Variants in DYNC1H1 observed in about 807,000 individuals in gnomAD.
The protein encoded by DYNC1H1 is dynein cytoplasmic 1 heavy chain 1, also known as cytoplasmic dynein 1 heavy chain 1.
In DYNC1H1, 51 loss-of-function variants were observed where a neutral mutation model predicts 527.1. The observed-to-expected ratio is 0.10, with a 90% confidence interval of 0.08 to 0.12. The LOEUF (loss-of-function observed/expected upper bound fraction) is 0.12. DYNC1H1 is among the 10% of genes least tolerant of loss of function. DYNC1H1 has a pLI of 1.00. For missense variants in DYNC1H1, 2,771 were observed against 5,971.8 expected, an observed-to-expected ratio of 0.46 and a Z score of 17.66; for synonymous variants, 2,189 against 2,278.8, an observed-to-expected ratio of 0.96 and a Z score of 1.12.
At chr14:102,024,677 C>CT (rs10707594) in intron 43 of DYNC1H1, among the ~76,000 whole-genome samples, 1 of 135,494 alleles carries the variant, frequency 7.4e-6, no homozygotes. Context: ...TGTGGCTTAT[C>CT]TTTTTTTTTT....
rs963736728 is a variant in DYNC1H1, at chr14:102,005,018, G to A, written c.5239-24G>A. 6.2e-6 allele frequency: 10 copies of A among 1,614,166 alleles called. No homozygotes were observed. The African/African-American group carries it at 1.2e-4, about 19-fold the overall frequency. The stretch of plus-strand genomic sequence containing the variant: ...GACCAATCTTTAAAATGATCCTTTG[G>A]GATCTTGTTTCTGTGTCTTTCAGGC... On this transcript the variant is annotated intron_variant, in intron 25 of 77. Transcript: ENST00000360184. The surrounding 1 kb of genome is among the most constrained non-coding windows in gnomAD (Gnocchi z 4.0).
At position 102,017,575 on chromosome 14, in the gene DYNC1H1, C is replaced by G. The variant is rs2048337921; in HGVS notation, c.8177+71C>G. ...CAGGATTGCTGTAAACACAGCGCCA[C>G]AAAAACCTGGTTTTGATAATAAAGA... On this transcript the variant is annotated intron_variant, in intron 40 of 77. Coordinates refer to ENST00000360184, the MANE Select transcript of DYNC1H1 (RefSeq NM_001376.5). The surrounding 1 kb of genome is among the most constrained non-coding windows in gnomAD (Gnocchi z 4.6). 6.2e-7 allele frequency: 1 copy of G among 1,613,404 alleles called. No individual in the cohort carries two copies. The highest frequency in any genetic ancestry group is 8.5e-7 in the Non-Finnish European group (1 of 1,179,466).
intron 34 of DYNC1H1, among the ~76,000 whole-genome samples, chr14:102,013,382 G>A (rs1356351446): frequency 6.6e-6 from 1 of 152,150 alleles, no homozygotes; most frequent in Non-Finnish European, 1.5e-5. Context: ...TGTTGGTGGG[G>A]GTTGGAGGTT....
chr14:101,965,533 A>G lies in DYNC1H1; in HGVS notation c.256+586A>G, dbSNP rs2047656964. 1.3e-5 allele frequency among the ~76,000 whole-genome samples: 2 copies of G among 152,138 alleles called. No individual in the cohort carries two copies. Among genetic ancestry groups the G allele is most frequent in the African/African-American group, 4.8e-5 (2 of 41,464 alleles). ...TGGGGACCCAGAGGCCGAGGCCCACAGAGCGACGGTGCCAGCCCCGGGCCT... is the reference window on the plus strand; with the variant it reads ...TGGGGACCCAGAGGCCGAGGCCCACGGAGCGACGGTGCCAGCCCCGGGCCT... On this transcript the variant is annotated intron_variant, in intron 1 of 77. Transcript: ENST00000360184. This position sits in a 1 kb window ranked among gnomAD's most constrained non-coding sequence, Gnocchi z 4.1.
Position 102,011,955 on chromosome 14 carries a change from C to T in DYNC1H1, c.6699C>T (p.Ala2233=), listed in dbSNP as rs760319164. The change falls in exon 33 of 78, where the codon GCC becomes GCT. Residue 2233 remains alanine (A), a synonymous_variant. Coordinates refer to ENST00000360184, the MANE Select transcript of DYNC1H1 (RefSeq NM_001376.5). The surrounding 1 kb of genome is among the most constrained non-coding windows in gnomAD (Gnocchi z 5.3). ...CCTCGGGAAGTGGGAAGAGCATGGC[C>T]TGGCGTGTCCTGCTGAAGGCATTGG... The part of the protein sequence containing the change: ...VGPSGSGKSM[A]WRVLLKALER... 2 of 1,614,070 alleles carry T rather than the reference C, an allele frequency of 1.2e-6. No individual in the cohort carries two copies. Among genetic ancestry groups the T allele is most frequent in the South Asian group, 1.1e-5 (1 of 91,076 alleles).
rs2152590044 is a variant in DYNC1H1, at chr14:102,029,453, A to T, written c.9469-86A>T. 3 of 1,578,578 alleles carry T rather than the reference A, an allele frequency of 1.9e-6. No individual in the cohort carries two copies. The South Asian group carries it at 3.4e-5, about 18-fold the overall frequency. On this transcript the variant is annotated intron_variant, in intron 48 of 77. Coordinates refer to ENST00000360184, the MANE Select transcript of DYNC1H1 (RefSeq NM_001376.5). The surrounding 1 kb of genome is among the most constrained non-coding windows in gnomAD (Gnocchi z 5.3). ...GGCCAGGCTCCTTCTATCATGTCACACCCATCTGCCAAGGCCAAAATTGTT... is the reference window on the plus strand; with the variant it reads ...GGCCAGGCTCCTTCTATCATGTCACTCCCATCTGCCAAGGCCAAAATTGTT...
intron 18 of DYNC1H1, 63 bp downstream of exon 18, chr14:102,000,462 C>A: frequency 6.7e-7 from 1 of 1,481,950 alleles, no homozygotes; most frequent in Non-Finnish European, 9.4e-7. Context: ...TATTTAGGAA[C>A]GTGACAAGCC....
chr14:101,971,665 G>T (rs1353194385), intron 1 of DYNC1H1, among the ~76,000 whole-genome samples: 4 of 152,172 alleles, frequency 2.6e-5, no homozygotes, highest in Non-Finnish European at 5.9e-5. Flanking sequence ...GGTCAAGGCT[G>T]CAATGAGCTG....
intron 42 of DYNC1H1, 105 bp from the exon 43 acceptor site, chr14:102,022,646 A>T (rs544188030): frequency 3.1e-5 from 47 of 1,520,800 alleles, no homozygotes; most frequent in Non-Finnish European, 4.1e-5. Context: ...ATAAAGACTG[A>T]CTGCATCCTT....
Position 101,986,586 on chromosome 14 carries a change from C to G in DYNC1H1, c.2361C>G (p.Thr787=), listed in dbSNP as rs1451621266. 6.2e-7 allele frequency: 1 copy of G among 1,613,850 alleles called. No homozygotes were observed. The highest frequency in any genetic ancestry group is 8.5e-7 in the Non-Finnish European group (1 of 1,179,750). The change falls in exon 8 of 78, where the codon ACC becomes ACG. Residue 787 remains threonine, a synonymous_variant. Coordinates refer to ENST00000360184, the MANE Select transcript of DYNC1H1 (RefSeq NM_001376.5). This position sits in a 1 kb window ranked among gnomAD's most constrained non-coding sequence, Gnocchi z 8.7. The part of the protein sequence containing the change: ...FAISLIESVR[T]YERTCEKVEE... ...TCTCACTGATCGAGAGCGTTCGTAC[C>G]TATGAACGGACCTGCGAGAAGGTGG...
chr14:102,044,499 G>A lies in DYNC1H1; in HGVS notation c.12902+8G>A. On this transcript the variant is annotated splice_region_variant and intron_variant, in intron 71 of 77. Transcript: ENST00000360184. This position sits in a 1 kb window ranked among gnomAD's most constrained non-coding sequence, Gnocchi z 7.1. ...AATGCCAGATGGCATCAGGTATGCT[G>A]CTGCCTGCTGGAATGGAGACAGTTG... is the stretch of plus-strand genomic sequence containing the variant. 6.2e-7 allele frequency: 1 copy of A among 1,614,188 alleles called. No homozygotes were observed. Among genetic ancestry groups the A allele is most frequent in the East Asian group, 2.2e-5 (1 of 44,892 alleles).
chr14:102,000,487 G>A, intron 18 of DYNC1H1, 88 bp downstream of exon 18: 8 of 1,180,958 alleles, frequency 6.8e-6, no homozygotes, highest in Admixed American at 1.9e-5. Flanking sequence ...TTGTGTATTT[G>A]TATTGTGAGT....
At position 102,012,441 on chromosome 14, in the gene DYNC1H1, A is replaced by G; in HGVS notation, c.6985A>G (p.Asn2329Asp). 1.9e-6 allele frequency: 3 copies of G among 1,614,168 alleles called. No individual in the cohort carries two copies. The highest frequency in any genetic ancestry group is 2.5e-6 in the Non-Finnish European group (3 of 1,180,020). Residue 2329 changes from asparagine to aspartate, a missense_variant, in exon 34 of 78, where the codon AAT becomes GAT. Coordinates refer to ENST00000360184, the MANE Select transcript of DYNC1H1 (RefSeq NM_001376.5). The surrounding 1 kb of genome is among the most constrained non-coding windows in gnomAD (Gnocchi z 4.9). ...TGACAATAAGCTCCTAACTTTGCCC[A>G]ATGGAGAGCGCCTCAGTCTTCCACC... ...LDDNKLLTLP[N>D]GERLSLPPNV...
chr14:102,030,023 T>C (rs1243915688), intron 50 of DYNC1H1, 85 bp downstream of exon 50: 2 of 1,610,550 alleles, frequency 1.2e-6, no homozygotes, highest in African/African-American at 2.7e-5. Context: ...TCCAAATGGG[T>C]CTTAGGGTTA....
Position 102,039,390 on chromosome 14 carries a change from G to A in DYNC1H1, c.11461-22G>A, listed in dbSNP as rs768513024. On this transcript the variant is annotated intron_variant, in intron 60 of 77. Coordinates refer to ENST00000360184, the MANE Select transcript of DYNC1H1 (RefSeq NM_001376.5). This position sits in a 1 kb window ranked among gnomAD's most constrained non-coding sequence, Gnocchi z 7.0. Reference sequence around the variant, plus strand: ...GGGGTGCCGAGGGAGCTGCCTCACCGCTGCCCACTGCTTCCTTTCAGATAC... The same window carrying A: ...GGGGTGCCGAGGGAGCTGCCTCACCACTGCCCACTGCTTCCTTTCAGATAC... 6.2e-6 allele frequency: 10 copies of A among 1,613,732 alleles called. No homozygotes were observed. In the Admixed American group the frequency reaches 6.7e-5, roughly 11 times the overall value.
intron 11 of DYNC1H1, among the ~76,000 whole-genome samples, chr14:101,992,978 G>A (rs1465487054): frequency 1.3e-5 from 2 of 151,868 alleles, no homozygotes; most frequent in Admixed American, 6.6e-5. Flanking sequence ...AATGCCACCT[G>A]CAGGCTGACA....
At position 102,012,972 on chromosome 14, in the gene DYNC1H1, G is replaced by A. The variant is rs140036112; in HGVS notation, c.7014+502G>A. On this transcript the variant is annotated intron_variant, in intron 34 of 77. Coordinates refer to ENST00000360184, the MANE Select transcript of DYNC1H1 (RefSeq NM_001376.5). This position sits in a 1 kb window ranked among gnomAD's most constrained non-coding sequence, Gnocchi z 4.9. ...CAGTAAGAAAGCAAGAAGACAGGCC[G>A]GGCGCGGTGGCTCACGCCTGTAATC... 10 of 192,298 alleles carry A rather than the reference G, an allele frequency of 5.2e-5. No individual in the cohort carries two copies. The highest frequency in any genetic ancestry group is 2.6e-4 in the East Asian group (2 of 7,792). 11.9% of individuals were successfully genotyped at this position (192,298 alleles called of 1,614,324 possible).
chr14:102,043,303 C>G, intron 69 of DYNC1H1: 1 of 189,972 alleles, frequency 5.3e-6, no homozygotes, highest in Non-Finnish European at 1.0e-5. Flanking sequence ...AAAAAAAAGA[C>G]CTGTCTGGAC....
chr14:102,027,666 G>A lies in DYNC1H1; in HGVS notation c.9096G>A (p.Gln3032=). The change falls in exon 47 of 78, where the codon CAG becomes CAA. Residue 3032 remains glutamine, a synonymous_variant. Coordinates refer to ENST00000360184, the MANE Select transcript of DYNC1H1 (RefSeq NM_001376.5). The surrounding 1 kb of genome is among the most constrained non-coding windows in gnomAD (Gnocchi z 7.7). ...ACGAGTATGCCACCTTGATGACGCA[G>A]TGCAAAGAGGGGGCACAGAAGGAAG... is the stretch of plus-strand genomic sequence containing the variant. ...EGDEYATLMT[Q]CKEGAQKEGL... is the part of the protein sequence containing the mutation. 1 of 1,614,164 alleles carries A rather than the reference G, an allele frequency of 6.2e-7. No homozygotes were observed. The highest frequency in any genetic ancestry group is 8.5e-7 in the Non-Finnish European group (1 of 1,180,032).
Sources: allele counts gnomAD v4.1 joint callset (sites outside exome capture counted in the v4.1 genomes callset), GRCh38; gene constraint gnomAD v4.1.1; non-coding constraint Gnocchi (gnomAD v3.1); transcripts MANE v1.5; gene names NCBI Gene and HGNC (gene_info 2026-07-23, HGNC 2026-07-21).